Variants in CEP112 observed in about 807,000 individuals in gnomAD.
CEP112 encodes centrosomal protein 112.
A neutral mutation model predicts 153.0 loss-of-function variants in CEP112; 127 were observed. That is an observed-to-expected ratio of 0.83 (90% CI 0.72 to 0.96). The LOEUF is 0.96. CEP112 is among the 40% of genes least tolerant of loss of function. CEP112 has a pLI of 0.00. For synonymous variants in CEP112, 358 were observed against 374.4 expected, an observed-to-expected ratio of 0.96 and a Z score of 0.51; for missense variants, 1,089 against 1,101.2, an observed-to-expected ratio of 0.99 and a Z score of 0.16.
At chr17:65,788,576 T>G (rs1314683457) in intron 21 of CEP112, among the ~76,000 whole-genome samples, 3 of 152,192 alleles carry the variant, frequency 2.0e-5, no homozygotes, top group African/African-American at 7.2e-5. Flanking sequence ...TTATTTAATT[T>G]CTACAGGACT....
intron 21 of CEP112, among the ~76,000 whole-genome samples, chr17:65,761,127 T>C (rs2052590599): frequency 6.6e-6 from 1 of 151,924 alleles, no homozygotes; most frequent in African/African-American, 2.4e-5. Flanking sequence ...TTATATTCTT[T>C]TTCTTTTTTT....
chr17:65,830,947 T>A (rs2057050532), intron 21 of CEP112, among the ~76,000 whole-genome samples: 1 of 151,996 alleles, frequency 6.6e-6, no homozygotes, highest in African/African-American at 2.4e-5. Context: ...CCAGAAAAAA[T>A]TGGCAGGGCA....
At chr17:66,169,511 C>A (rs2072154708) in intron 4 of CEP112, among the ~76,000 whole-genome samples, 1 of 152,004 alleles carries the variant, frequency 6.6e-6, no homozygotes, top group African/African-American at 2.4e-5. Flanking sequence ...GTATCGAACT[C>A]CTGACCTTGT....
intron 17 of CEP112, among the ~76,000 whole-genome samples, chr17:65,993,359 G>A (rs766124924): frequency 1.8e-4 from 28 of 152,246 alleles, no homozygotes; most frequent in Middle Eastern, 6.8e-3. Flanking sequence ...CATTTGGGTT[G>A]ATTCCATGTC....
rs917525874 is a variant in CEP112 at position 65,689,124 on chromosome 17, G to T, written c.2697+5C>A. 1 of 1,591,842 alleles carries T rather than the reference G, an allele frequency of 6.3e-7. No individual in the cohort carries two copies. Among genetic ancestry groups the T allele is most frequent in the Admixed American group, 1.7e-5 (1 of 59,978 alleles). ...AAGAGAGTCAAATAGTAAAGGAGAG[G>T]GTACCTGTTCCTGTGACTCCAATTC... On this transcript the variant is annotated splice_donor_5th_base_variant and intron_variant, in intron 24 of 26. Coordinates refer to ENST00000535342, the MANE Select transcript of CEP112 (RefSeq NM_001199165.4).
chr17:65,736,251 G>A (rs1350392451), intron 23 of CEP112, among the ~76,000 whole-genome samples: 1 of 152,114 alleles, frequency 6.6e-6, no homozygotes, highest in Non-Finnish European at 1.5e-5. Flanking sequence ...GATTTCTAGG[G>A]AATCTGACTT....
intron 11 of CEP112, among the ~76,000 whole-genome samples, chr17:66,056,457 C>T (rs1034233010): frequency 5.9e-5 from 9 of 152,184 alleles, no homozygotes; most frequent in Admixed American, 2.6e-4. Context: ...ACATTATTCA[C>T]GATATCCAAA....
chr17:65,689,062 C>T, intron 24 of CEP112, 67 bp downstream of exon 24: 1 of 1,174,142 alleles, frequency 8.5e-7, no homozygotes, highest in Non-Finnish European at 1.3e-6. Context: ...GCCACTGCAC[C>T]TGGCTGCACA....
chr17:65,793,140 G>A (rs562043600), intron 21 of CEP112, among the ~76,000 whole-genome samples: 2 of 152,288 alleles, frequency 1.3e-5, no homozygotes, highest in African/African-American at 4.8e-5. Flanking sequence ...ATAACCCAGA[G>A]TAAGAGAGTG....
At chr17:65,775,083 G>A (rs2053599575) in intron 21 of CEP112, among the ~76,000 whole-genome samples, 1 of 152,126 alleles carries the variant, frequency 6.6e-6, no homozygotes, top group South Asian at 2.1e-4. Context: ...GCCCCATGAG[G>A]TCAAGACTCC....
intron 5 of CEP112, among the ~76,000 whole-genome samples, chr17:66,131,349 T>C (rs748110310): frequency 2.6e-5 from 4 of 152,220 alleles, no homozygotes; most frequent in Non-Finnish European, 4.4e-5. Flanking sequence ...GATTGTAGTT[T>C]ATCACTATTT....
At chr17:66,090,285 A>G (rs1237810211) in intron 8 of CEP112, among the ~76,000 whole-genome samples, 1 of 152,042 alleles carries the variant, frequency 6.6e-6, no homozygotes, top group African/African-American at 2.4e-5. Flanking sequence ...CAAACACAGA[A>G]TAGTCTAATA....
intron 4 of CEP112, among the ~76,000 whole-genome samples, chr17:66,168,517 G>A (rs1270577377): frequency 2.0e-5 from 3 of 151,104 alleles, no homozygotes; most frequent in African/African-American, 7.3e-5. Flanking sequence ...ATATGTGTGT[G>A]TATATATATG....
intron 11 of CEP112, among the ~76,000 whole-genome samples, chr17:66,060,375 T>G (rs1233056859): frequency 6.6e-6 from 1 of 152,152 alleles, no homozygotes; most frequent in African/African-American, 2.4e-5. Context: ...AAAATATCAA[T>G]GACATTTTCA....
At chr17:65,970,451 T>G (rs989485442) in intron 17 of CEP112, among the ~76,000 whole-genome samples, 3 of 98,128 alleles carry the variant, frequency 3.1e-5, no homozygotes, top group Admixed American at 1.3e-4. Flanking sequence ...GCATGTATAT[T>G]ACATGCATGC....
chr17:66,176,700 G>GA (rs992200836), intron 3 of CEP112, 130 bp downstream of exon 3: 121 of 590,306 alleles, frequency 2.0e-4, no homozygotes, highest in Non-Finnish European at 2.8e-4. Flanking sequence ...GAATCAGGAA[G>GA]AAAAAAAACA....
chr17:66,032,854 A>C (rs2065550459), intron 12 of CEP112, among the ~76,000 whole-genome samples: 1 of 152,178 alleles, frequency 6.6e-6, no homozygotes, highest in East Asian at 1.9e-4. Context: ...TGAAGATCAA[A>C]TATAATTACA....
intron 7 of CEP112, 117 bp from the exon 8 acceptor site, chr17:66,096,445 A>G: frequency 5.2e-6 from 6 of 1,159,386 alleles, no homozygotes; most frequent in Non-Finnish European, 7.6e-6. Flanking sequence ...ACTGCAGGAA[A>G]AAATCACTTC....
intron 25 of CEP112, among the ~76,000 whole-genome samples, chr17:65,637,783 C>A (rs1434789526): frequency 6.6e-6 from 1 of 152,200 alleles, no homozygotes; most frequent in Non-Finnish European, 1.5e-5. Context: ...ACTTTTCTGT[C>A]TTTCCACCCC....
Sources: gnomAD v4.1 joint callset for allele counts (sites outside exome capture counted in the v4.1 genomes callset) on GRCh38, gnomAD v4.1.1 for gene constraint, MANE v1.5 for transcripts, NCBI Gene and HGNC (gene_info 2026-07-23, HGNC 2026-07-21) for gene names.